The following RAP1GDS1 variants were observed in gnomAD, a reference collection of about 807,000 sequenced individuals.
RAP1GDS1 encodes Rap1 GTPase-GDP dissociation stimulator 1.
A neutral mutation model predicts 71.1 loss-of-function variants in RAP1GDS1; 35 were observed. The observed-to-expected ratio is 0.49, with a 90% CI of 0.38 to 0.65. The LOEUF (loss-of-function observed/expected upper bound fraction) is 0.65. Among genes scored for constraint, RAP1GDS1 ranks in the 30% least tolerant of loss-of-function variants. The probability of loss-of-function intolerance (pLI) is 0.00; values close to 1 mark genes in which losing one functional copy is unlikely to be tolerated. For synonymous variants in RAP1GDS1, 229 were observed against 243.1 expected (o/e 0.94, Z 0.54); for missense variants, 663 against 706.1 (o/e 0.94, Z 0.69).
intron 1 of RAP1GDS1, among the ~76,000 whole-genome samples, chr4:98,265,549 C>T (rs1378028057): frequency 6.6e-6 from 1 of 151,944 alleles, no homozygotes; most frequent in African/African-American, 2.4e-5. Flanking sequence ...TTCGAGAGTA[C>T]AATTTGAATT....
intron 1 of RAP1GDS1, among the ~76,000 whole-genome samples, chr4:98,289,053 A>G (rs1560778615): frequency 6.6e-6 from 1 of 152,116 alleles, no homozygotes; most frequent in South Asian, 2.1e-4. Context: ...CTAAGAAGTA[A>G]GATAATTTGA....
chr4:98,316,935 CGCT>C (rs1560822183), intron 2 of RAP1GDS1, among the ~76,000 whole-genome samples: 1 of 152,070 alleles, frequency 6.6e-6, no homozygotes, highest in East Asian at 1.9e-4. Context: ...GTAAGGATGC[CGCT>C]ATGGGATGGG....
intron 2 of RAP1GDS1, among the ~76,000 whole-genome samples, chr4:98,318,986 TG>T (rs553997785): frequency 1.3e-5 from 2 of 151,736 alleles, no homozygotes; most frequent in Non-Finnish European, 2.9e-5. Context: ...TGTAGTTCTC[TG>T]GGGGGGGAAA....
At chr4:98,280,573 G>C (rs1180760245) in intron 1 of RAP1GDS1, among the ~76,000 whole-genome samples, 1 of 152,184 alleles carries the variant, frequency 6.6e-6, no homozygotes, top group African/African-American at 2.4e-5. Flanking sequence ...TGTTCACTCT[G>C]ATGGTAGTTT....
intron 4 of RAP1GDS1, among the ~76,000 whole-genome samples, chr4:98,354,711 T>C (rs1403981058): frequency 2.0e-5 from 3 of 152,154 alleles, no homozygotes; most frequent in African/African-American, 7.2e-5. Flanking sequence ...AGTTATGAAG[T>C]TAATTTTTTT....
At chr4:98,264,097 A>G (rs1221209065) in intron 1 of RAP1GDS1, among the ~76,000 whole-genome samples, 1 of 152,218 alleles carries the variant, frequency 6.6e-6, no homozygotes, top group Non-Finnish European at 1.5e-5. Flanking sequence ...ATTTGTCTCA[A>G]GAAATAAATA....
chr4:98,329,571 C>T (rs551262114), intron 2 of RAP1GDS1, among the ~76,000 whole-genome samples: 3 of 151,998 alleles, frequency 2.0e-5, no homozygotes, highest in South Asian at 2.1e-4. Flanking sequence ...AGGCAGATCA[C>T]GAGGTCAGAA....
At chr4:98,320,416 G>C (rs1037914358) in intron 2 of RAP1GDS1, among the ~76,000 whole-genome samples, 7 of 152,126 alleles carry the variant, frequency 4.6e-5, no homozygotes, top group Non-Finnish European at 1.0e-4. Context: ...TCTCTTTTCA[G>C]AATGATTCAG....
chr4:98,361,148 A>G (rs543192959), intron 4 of RAP1GDS1, among the ~76,000 whole-genome samples: 33 of 151,936 alleles, frequency 2.2e-4, no homozygotes, highest in African/African-American at 8.0e-4. Context: ...CCGTTGAGAA[A>G]CTATGCTGTC....
At chr4:98,272,900 T>C (rs1473661657) in intron 1 of RAP1GDS1, among the ~76,000 whole-genome samples, 1 of 152,148 alleles carries the variant, frequency 6.6e-6, no homozygotes, top group East Asian at 1.9e-4. Flanking sequence ...AAAACAACGA[T>C]TTTTTTCTGA....
At chr4:98,334,308 CAAAAA>C (rs139545154) in intron 2 of RAP1GDS1, among the ~76,000 whole-genome samples, 3 of 151,504 alleles carry the variant, frequency 2.0e-5, no homozygotes, top group Non-Finnish European at 4.4e-5. Flanking sequence ...TTTAAAAAAA[CAAAAA>C]AAACCTCTTT....
intron 6 of RAP1GDS1, among the ~76,000 whole-genome samples, chr4:98,400,171 C>T (rs967020003): frequency 6.6e-6 from 1 of 150,404 alleles, no homozygotes; most frequent in Non-Finnish European, 1.5e-5. Context: ...TAAAAAAAAA[C>T]ACAAATAGAA....
intron 6 of RAP1GDS1, among the ~76,000 whole-genome samples, chr4:98,393,372 T>C (rs916237350): frequency 2.0e-5 from 3 of 152,206 alleles, no homozygotes; most frequent in African/African-American, 7.2e-5. Flanking sequence ...TTTTCTTTTT[T>C]ATACTAGCCT....
intron 5 of RAP1GDS1, among the ~76,000 whole-genome samples, chr4:98,384,006 G>A (rs1330818550): frequency 6.6e-6 from 1 of 151,442 alleles, no homozygotes; most frequent in African/African-American, 2.4e-5. Context: ...TTCCTAAATA[G>A]TAAATTATTT....
At chr4:98,270,939 C>G (rs530615810) in intron 1 of RAP1GDS1, among the ~76,000 whole-genome samples, 6 of 152,102 alleles carry the variant, frequency 3.9e-5, no homozygotes, top group Non-Finnish European at 7.4e-5. Context: ...TTTCTTTTCT[C>G]TAGCTTACCT....
At chr4:98,420,960 G>A (rs1366397914) in intron 11 of RAP1GDS1, among the ~76,000 whole-genome samples, 4 of 152,092 alleles carry the variant, frequency 2.6e-5, no homozygotes, top group African/African-American at 7.2e-5. Flanking sequence ...TTTCTATATT[G>A]ATTGCATAGA....
At chr4:98,390,532 C>G (rs1039234708) in intron 5 of RAP1GDS1, among the ~76,000 whole-genome samples, 11 of 151,940 alleles carry the variant, frequency 7.2e-5, no homozygotes, top group African/African-American at 2.7e-4. Flanking sequence ...ACAACCAAAC[C>G]AGATAATTAT....
chr4:98,422,847 A>G (rs1749083219), intron 12 of RAP1GDS1, among the ~76,000 whole-genome samples: 1 of 152,210 alleles, frequency 6.6e-6, no homozygotes, highest in Non-Finnish European at 1.5e-5. Context: ...TGTCTCACCC[A>G]GACCACCCTA....
At chr4:98,261,769 T>G in intron 1 of RAP1GDS1, 200 bp downstream of exon 1, 1 of 550,958 alleles carries the variant, frequency 1.8e-6, no homozygotes, top group East Asian at 4.3e-5. Flanking sequence ...GAGCGCGGGC[T>G]GGGGTGGGGT....
Sources: allele counts gnomAD v4.1 joint callset (sites outside exome capture counted in the v4.1 genomes callset), GRCh38; gene constraint gnomAD v4.1.1; transcripts MANE v1.5; gene names NCBI Gene and HGNC (gene_info 2026-07-23, HGNC 2026-07-21).